Variants in LRBA observed in about 807,000 individuals in gnomAD.
LRBA encodes the protein LPS responsive beige-like anchor protein.
Under a neutral mutation model 330.0 loss-of-function variants are expected in LRBA, and 176 were observed. That is an observed-to-expected ratio of 0.53 (90% CI 0.47 to 0.60). The LOEUF (loss-of-function observed/expected upper bound fraction) is 0.60. Ranked by LOEUF, LRBA falls within the 20% of genes least tolerant of loss-of-function variation. The probability of loss-of-function intolerance (pLI) is 0.00; values close to 1 mark genes in which losing one functional copy is unlikely to be tolerated. For synonymous variants in LRBA, 1,230 were observed against 1,193.0 expected (o/e 1.03, Z -0.64); for missense variants, 3,259 against 3,444.8 (o/e 0.95, Z 1.35).
At position 150,808,383 on chromosome 4, in the gene LRBA, T is replaced by A; in HGVS notation, c.5321A>T (p.Asn1774Ile). The change falls in exon 32 of 57, where the codon AAT becomes ATT. Residue 1774 changes from asparagine to isoleucine, a missense_variant. By Grantham distance (149) the Asn-to-Ile change is moderately radical. Transcript: ENST00000651943. ...TGTTGGAACTGAGGGCAATTTTGCA[T>A]TAGATGATCTACTGCCTATAAAAGA... ...GGESPGSRSS[N>I]AKLPSVPTVD... The A allele has an allele frequency of 6.2e-7, 1 of 1,603,064 alleles. No homozygotes were observed. The highest frequency in any genetic ancestry group is 1.1e-5 in the South Asian group (1 of 90,698).
intron 17 of LRBA, among the ~76,000 whole-genome samples, chr4:150,890,919 T>TA (rs1029459412): frequency 5.9e-5 from 9 of 152,120 alleles, no homozygotes; most frequent in East Asian, 1.9e-4. Flanking sequence ...TTTTTTTTTT[T>TA]AAAAGTGGTA....
At chr4:150,629,364 AAC>A (rs773112260) in intron 37 of LRBA, among the ~76,000 whole-genome samples, 2 of 152,242 alleles carry the variant, frequency 1.3e-5, no homozygotes, top group Non-Finnish European at 2.9e-5. Context: ...ATAGGCCAGG[AAC>A]AGTGGCTCAT....
intron 14 of LRBA, among the ~76,000 whole-genome samples, 163 bp downstream of exon 14, chr4:150,899,886 T>C (rs1435367757): frequency 1.3e-5 from 2 of 152,144 alleles, no homozygotes; most frequent in Non-Finnish European, 2.9e-5. Flanking sequence ...AACCACAATT[T>C]AGGACAAACT....
intron 36 of LRBA, among the ~76,000 whole-genome samples, chr4:150,707,001 A>G (rs2127018876): frequency 6.6e-6 from 1 of 151,932 alleles, no homozygotes; most frequent in South Asian, 2.1e-4. Flanking sequence ...AAAATTCTTC[A>G]GAAAATAATA....
chr4:150,739,125 G>T (rs1431012456), intron 35 of LRBA, among the ~76,000 whole-genome samples: 1 of 151,966 alleles, frequency 6.6e-6, no homozygotes, highest in African/African-American at 2.4e-5. Flanking sequence ...GAAGCAAACA[G>T]AAATAAAATA....
intron 56 of LRBA, among the ~76,000 whole-genome samples, chr4:150,267,402 T>C (rs576726853): frequency 1.6e-4 from 24 of 150,602 alleles, no homozygotes; most frequent in African/African-American, 5.6e-4. Flanking sequence ...TTCACAAATA[T>C]GTGGAAAGTA....
intron 46 of LRBA, chr4:150,422,718 T>C: frequency 1.2e-6 from 1 of 828,734 alleles, no homozygotes; most frequent in South Asian, 1.4e-5. Flanking sequence ...GGTGAGCCTC[T>C]GGAACCCACC....
At chr4:150,516,217 C>CTTTTTTTTTTTTTTTTTTTT (rs869205771) in intron 40 of LRBA, among the ~76,000 whole-genome samples, 4 of 29,450 alleles carry the variant, frequency 1.4e-4, no homozygotes, top group African/African-American at 3.3e-4. Context: ...TTTCTATTCT[C>CTTTTTTTTTTTTTTTTTTTT]TTTTTTTTTT....
At position 150,622,833 on chromosome 4, in the gene LRBA, G is replaced by A. The variant is rs570697854; in HGVS notation, c.5922-23702C>T. On this transcript the variant is annotated intron_variant, in intron 37 of 56. Coordinates refer to ENST00000651943, the MANE Select transcript of LRBA (RefSeq NM_001364905.1). ...CTGCCTCAGCCTCCTGAGTAGCTGGGACTACAGGCGCCCGCCACCGCGCCC... is the reference window on the plus strand; with the variant it reads ...CTGCCTCAGCCTCCTGAGTAGCTGGAACTACAGGCGCCCGCCACCGCGCCC... Among the ~76,000 whole-genome samples the A allele has an allele frequency of 2.0e-5, 3 of 152,098 alleles. No homozygotes were observed. The East Asian group carries it at 5.8e-4, about 29-fold the overall frequency.
chr4:150,462,505 A>G (rs1754902421), intron 44 of LRBA, among the ~76,000 whole-genome samples: 1 of 151,766 alleles, frequency 6.6e-6, no homozygotes, highest in South Asian at 2.1e-4. Context: ...CTCCATTCAG[A>G]CTTTTTTTTT....
chr4:150,526,783 G>T (rs1763520670), intron 40 of LRBA, among the ~76,000 whole-genome samples: 1 of 152,006 alleles, frequency 6.6e-6, no homozygotes, highest in South Asian at 2.1e-4. Flanking sequence ...CCTAACAGAT[G>T]AAGACTTCTA....
At chr4:150,423,748 G>A (rs1419700018) in intron 46 of LRBA, 2 of 179,958 alleles carry the variant, frequency 1.1e-5, no homozygotes, top group Non-Finnish European at 2.3e-5. Context: ...GGCACACGTG[G>A]GCTCCGTCCC....
At chr4:150,815,625 T>C (rs1328634191) in intron 31 of LRBA, among the ~76,000 whole-genome samples, 1 of 151,778 alleles carries the variant, frequency 6.6e-6, no homozygotes, top group Non-Finnish European at 1.5e-5. Context: ...CAGCTTTTGG[T>C]TTCAAACTAG....
chr4:150,872,886 T>G (rs1753597146), intron 17 of LRBA, 131 bp from the exon 18 acceptor site: 1 of 456,658 alleles, frequency 2.2e-6, no homozygotes, highest in Non-Finnish European at 3.9e-6. Flanking sequence ...TATAGATTTC[T>G]GTATATAAAA....
chr4:150,903,362 C>T (rs1387595405), intron 13 of LRBA, among the ~76,000 whole-genome samples: 1 of 151,812 alleles, frequency 6.6e-6, no homozygotes, highest in African/African-American at 2.4e-5. Flanking sequence ...TGTTGGAATT[C>T]TGGCAGAATA....
intron 30 of LRBA, among the ~76,000 whole-genome samples, chr4:150,824,260 A>G (rs1578898657): frequency 1.3e-5 from 2 of 152,244 alleles, no homozygotes; most frequent in East Asian, 1.9e-4. Context: ...TAATTTTTGT[A>G]TGCTAATTTT....
rs546532780 is a variant in LRBA at position 151,014,774 on chromosome 4, T to C, written c.-132A>G. Reference sequence around the variant, plus strand: ...ACTTGTGGAGATACCCCAAAGCAGTTGATGTGGAAAGTCCTTGGCGTCGCC... The same window carrying C: ...ACTTGTGGAGATACCCCAAAGCAGTCGATGTGGAAAGTCCTTGGCGTCGCC... On this transcript the variant is annotated 5_prime_UTR_variant, in exon 2 of 57. Coordinates refer to ENST00000651943, the MANE Select transcript of LRBA (RefSeq NM_001364905.1). The C allele has an allele frequency of 8.9e-5, 55 of 620,738 alleles. No homozygotes were observed. Among genetic ancestry groups the C allele is most frequent in the Non-Finnish European group, 1.2e-4 (44 of 353,982 alleles). The allele number at this position is 620,738 out of a possible 1,614,324, so 38.5% of individuals were successfully genotyped here.
At chr4:150,714,446 C>T (rs1437403791) in intron 36 of LRBA, among the ~76,000 whole-genome samples, 1 of 151,988 alleles carries the variant, frequency 6.6e-6, no homozygotes, top group Non-Finnish European at 1.5e-5. Context: ...AAAAGACATG[C>T]CTTTTCATAA....
chr4:150,956,051 T>A (rs1302919327), intron 2 of LRBA, among the ~76,000 whole-genome samples: 1 of 149,152 alleles, frequency 6.7e-6, no homozygotes, highest in East Asian at 1.9e-4. Flanking sequence ...ATTAGTGGTA[T>A]TTTTAAAAAT....
Sources: allele counts gnomAD v4.1 joint callset (sites outside exome capture counted in the v4.1 genomes callset), GRCh38; gene constraint gnomAD v4.1.1; transcripts MANE v1.5; gene names NCBI Gene and HGNC (gene_info 2026-07-23, HGNC 2026-07-21).